Variants in GRIN2A observed in about 807,000 individuals in gnomAD.
GRIN2A encodes the protein glutamate receptor ionotropic, NMDA 2A.
Under a neutral mutation model 113.4 loss-of-function variants are expected in GRIN2A, and 22 were observed. The observed-to-expected ratio is 0.19, with a 90% confidence interval of 0.14 to 0.28. GRIN2A has a LOEUF of 0.28. GRIN2A is among the 10% of genes least tolerant of loss of function. GRIN2A has a pLI of 1.00. For synonymous variants in GRIN2A, 827 were observed against 738.4 expected (o/e 1.12, Z -1.94); for missense variants, 1,502 against 1,887.0 (o/e 0.80, Z 3.78).
intron 2 of GRIN2A, among the ~76,000 whole-genome samples, chr16:9,989,854 G>C (rs2046066391): frequency 6.6e-6 from 1 of 152,120 alleles, no homozygotes; most frequent in South Asian, 2.1e-4. Context: ...ACTCCAGTCA[G>C]AATGGCTATT....
chr16:9,856,548 C>T (rs2042971846), intron 4 of GRIN2A, among the ~76,000 whole-genome samples: 1 of 150,658 alleles, frequency 6.6e-6, no homozygotes, highest in Non-Finnish European at 1.5e-5. Flanking sequence ...TGGCATGAAC[C>T]CGGGAGGCCG....
rs71402435 is a variant in GRIN2A at position 10,132,340 on chromosome 16, C to CAAAAAAAAAAAAAAAAAA, written c.414+47640_414+47657dup. Reference sequence around the variant, plus strand: ...GAATGAGCAGAACAAGACACCGTCTCAAAAAAAAAAAAAAAAAAGATGTGA... The same window carrying CAAAAAAAAAAAAAAAAAA: ...GAATGAGCAGAACAAGACACCGTCTCAAAAAAAAAAAAAAAAAAAAAAAAAAAAAAAAAAAAGATGTGA... On this transcript the variant is annotated intron_variant, in intron 2 of 12. Transcript: ENST00000330684. Among the ~76,000 whole-genome samples, 114 of 61,560 alleles carry CAAAAAAAAAAAAAAAAAA rather than the reference C, an allele frequency of 1.9e-3. 5 individuals carry two copies. Among genetic ancestry groups the CAAAAAAAAAAAAAAAAAA allele is most frequent in the African/African-American group, 4.0e-3 (68 of 16,810 alleles). 40.4% of individuals were successfully genotyped at this position (61,560 alleles called of 152,430 possible). A position where few individuals can be genotyped will look rare whatever the true frequency, so the allele number is the denominator to read the frequency against.
intron 2 of GRIN2A, among the ~76,000 whole-genome samples, chr16:10,151,675 T>C (rs139214724): frequency 6.6e-6 from 1 of 152,350 alleles, no homozygotes; most frequent in African/African-American, 2.4e-5. Flanking sequence ...ATTTTTATCA[T>C]AATTACTATA....
At chr16:10,010,204 T>C (rs568480016) in intron 2 of GRIN2A, among the ~76,000 whole-genome samples, 1 of 152,376 alleles carries the variant, frequency 6.6e-6, no homozygotes, top group South Asian at 2.1e-4. Flanking sequence ...CTTATTTTAT[T>C]ATTATCAAGC....
At position 9,891,012 on chromosome 16, in the gene GRIN2A, G is replaced by A. The variant is rs761729938; in HGVS notation, c.1096C>T (p.Leu366=). The part of the protein sequence containing the change: ...QVHPRLVVIV[L]NKDREWEKVG... ...TTTTCCCATTCCCGGTCTTTGTTCA[G>A]CACAATCACCACCAGCCTGGGGTGC... The change falls in exon 4 of 13, where the codon CTG becomes TTG. Residue 366 remains leucine, a synonymous_variant. Coordinates refer to ENST00000330684, the MANE Select transcript of GRIN2A (RefSeq NM_001134407.3). 1.9e-6 allele frequency: 3 copies of A among 1,611,408 alleles called. No homozygotes were observed. The highest frequency in any genetic ancestry group is 3.3e-5 in the Admixed American group (2 of 60,010).
intron 10 of GRIN2A, among the ~76,000 whole-genome samples, chr16:9,799,688 C>A (rs2141235273): frequency 6.6e-6 from 1 of 152,312 alleles, no homozygotes; most frequent in East Asian, 1.9e-4. Flanking sequence ...GCCACACAAA[C>A]TATTTCACAT....
At chr16:9,963,439 C>A (rs9923543) in intron 2 of GRIN2A, among the ~76,000 whole-genome samples, 1,679 of 152,114 alleles carry the variant, frequency 0.011, 26 homozygotes, top group African/African-American at 0.039. Flanking sequence ...TCTTGCCCCC[C>A]ACCCCTGACA....
intron 2 of GRIN2A, among the ~76,000 whole-genome samples, chr16:10,177,253 C>T (rs1356457153): frequency 1.3e-5 from 2 of 152,232 alleles, no homozygotes; most frequent in Admixed American, 1.3e-4. Context: ...CTAAATACAT[C>T]CCCAGTTTCT....
intron 2 of GRIN2A, among the ~76,000 whole-genome samples, chr16:10,174,569 A>C (rs558359369): frequency 6.6e-6 from 1 of 152,324 alleles, no homozygotes; most frequent in East Asian, 1.9e-4. Flanking sequence ...TTGAAGGGAC[A>C]GGGGAGGGAG....
intron 2 of GRIN2A, among the ~76,000 whole-genome samples, chr16:10,077,500 C>T (rs2047896943): frequency 6.6e-6 from 1 of 152,216 alleles, no homozygotes; most frequent in African/African-American, 2.4e-5. Context: ...TGCCACCTCT[C>T]ACCTGGATGA....
At chr16:9,939,081 G>A (rs1012914341) in intron 2 of GRIN2A, among the ~76,000 whole-genome samples, 3 of 152,174 alleles carry the variant, frequency 2.0e-5, no homozygotes, top group East Asian at 1.9e-4. Flanking sequence ...TTGAACATAC[G>A]GCTCCCACAT....
chr16:9,786,618 C>A (rs917248600), intron 11 of GRIN2A, among the ~76,000 whole-genome samples: 7 of 152,100 alleles, frequency 4.6e-5, no homozygotes, highest in African/African-American at 1.7e-4. Context: ...GATGAGAAAA[C>A]CACCTGTCTT....
At chr16:9,880,084 G>T (rs909589572) in intron 4 of GRIN2A, among the ~76,000 whole-genome samples, 1 of 152,272 alleles carries the variant, frequency 6.6e-6, no homozygotes, top group Non-Finnish European at 1.5e-5. Context: ...AGCGGGCTCA[G>T]CTGGGTTTTT....
At chr16:9,963,565 G>C (rs867759228) in intron 2 of GRIN2A, among the ~76,000 whole-genome samples, 11 of 152,026 alleles carry the variant, frequency 7.2e-5, no homozygotes, top group Non-Finnish European at 1.5e-4. Flanking sequence ...TCTGCATCTC[G>C]ATCTGTGTGG....
intron 4 of GRIN2A, among the ~76,000 whole-genome samples, chr16:9,890,111 G>T (rs896022943): frequency 1.3e-5 from 2 of 152,106 alleles, no homozygotes; most frequent in South Asian, 4.1e-4. Flanking sequence ...GGTCACTCAG[G>T]CCTCCATTTG....
rs761609840 is a variant in GRIN2A, at chr16:9,849,735, G to A, written c.1328+21C>T. The A allele has an allele frequency of 1.4e-5, 23 of 1,589,166 alleles. 1 individual carries two copies. The Admixed American group carries it at 3.8e-4, about 27-fold the overall frequency. ...TTCAAAGGGTTGGGCACGTTCAGGTGACAGCATTCCTGCCACTCACTTGAT... is the reference window on the plus strand; with the variant it reads ...TTCAAAGGGTTGGGCACGTTCAGGTAACAGCATTCCTGCCACTCACTTGAT... On this transcript the variant is annotated intron_variant, in intron 5 of 12. Coordinates refer to ENST00000330684, the MANE Select transcript of GRIN2A (RefSeq NM_001134407.3).
At chr16:10,024,373 C>A (rs536388659) in intron 2 of GRIN2A, among the ~76,000 whole-genome samples, 11 of 152,266 alleles carry the variant, frequency 7.2e-5, no homozygotes, top group Admixed American at 7.2e-4. Flanking sequence ...CAGGTGTGTG[C>A]CACCACACCC....
chr16:9,858,633 T>C (rs1324830611), intron 4 of GRIN2A, among the ~76,000 whole-genome samples: 1 of 152,220 alleles, frequency 6.6e-6, no homozygotes, highest in African/African-American at 2.4e-5. Flanking sequence ...TGATGTTTAA[T>C]TCCTATTAAT....
chr16:9,974,757 C>T (rs2045742844), intron 2 of GRIN2A, among the ~76,000 whole-genome samples: 1 of 152,152 alleles, frequency 6.6e-6, no homozygotes, highest in Admixed American at 6.5e-5. Flanking sequence ...TTCATGTGAT[C>T]CCTAGAGCAA....
Sources: gnomAD v4.1 joint callset for allele counts (sites outside exome capture counted in the v4.1 genomes callset) on GRCh38, gnomAD v4.1.1 for gene constraint, MANE v1.5 for transcripts, NCBI Gene and HGNC (gene_info 2026-07-23, HGNC 2026-07-21) for gene names.